Variants in TP53BP1 observed in about 807,000 individuals in gnomAD.
The protein encoded by TP53BP1 is tumor protein p53 binding protein 1, also known as TP53-binding protein 1.
Under a neutral mutation model 200.8 loss-of-function variants are expected in TP53BP1, and 61 were observed. The ratio of observed to expected loss-of-function variants is 0.30; its 90% CI spans 0.25 to 0.38. The LOEUF (loss-of-function observed/expected upper bound fraction) is 0.38, where lower values mean the gene tolerates loss of function less well. TP53BP1 is among the 10% of genes least tolerant of loss of function. The pLI is 1.00. For missense variants in TP53BP1, 2,144 were observed against 2,371.9 expected, an observed-to-expected ratio of 0.90 and a Z score of 2.00; for synonymous variants, 822 against 844.3, an observed-to-expected ratio of 0.97 and a Z score of 0.46.
Position 43,492,332 on chromosome 15 carries a change from T to C in TP53BP1, c.144A>G (p.Leu48=), listed in dbSNP as rs1595630090. 8 of 1,614,184 alleles carry C rather than the reference T, an allele frequency of 5.0e-6. No homozygotes were observed. The highest frequency in any genetic ancestry group is 3.3e-5 in the South Asian group (3 of 91,086). The change falls in exon 2 of 28, where the codon CTA becomes CTG. Residue 48 remains leucine, a synonymous_variant. Transcript: ENST00000382044. ...EDDSGSHFSM[L]SRHLPNLQTH... ...TCTGGAGATTAGGAAGGTGTCGAGATAGCATACTGAAGTGAGAACCAGAAT... is the reference window on the plus strand; with the variant it reads ...TCTGGAGATTAGGAAGGTGTCGAGACAGCATACTGAAGTGAGAACCAGAAT...
In TP53BP1 at chr15:43,469,955, G is replaced by C. The variant is rs151069796; in HGVS notation, c.1292C>G (p.Ser431Cys). The change falls in exon 11 of 28, where the codon TCC (serine) becomes TGC (cysteine). Residue 431 changes from serine to cysteine, a missense_variant. Ser to Cys is a moderately radical substitution (Grantham distance 112). Coordinates refer to ENST00000382044, the MANE Select transcript of TP53BP1 (RefSeq NM_001141980.3). The stretch of plus-strand genomic sequence containing the variant: ...TGTTGAGGCTTGTGGTGATACAGTG[G>C]ACTCAGGCAGGAGAGGGGGGTTTTC... ...ELENPPLLPESTVSPQASTPI... is the reference protein window; with the variant it reads ...ELENPPLLPECTVSPQASTPI... 3 of 1,613,912 alleles carry C rather than the reference G, an allele frequency of 1.9e-6. No individual in the cohort carries two copies. Among genetic ancestry groups the C allele is most frequent in the African/African-American group, 2.7e-5 (2 of 74,916 alleles).
At chr15:43,444,691 G>C (rs1391907471) in intron 14 of TP53BP1, among the ~76,000 whole-genome samples, 1 of 152,162 alleles carries the variant, frequency 6.6e-6, no homozygotes, top group African/African-American at 2.4e-5. Flanking sequence ...CTATACATGT[G>C]AAGTACCTGG....
At chr15:43,429,122 T>G (rs556607683) in intron 17 of TP53BP1, among the ~76,000 whole-genome samples, 9 of 152,360 alleles carry the variant, frequency 5.9e-5, no homozygotes, top group Admixed American at 2.0e-4. Context: ...TTCTTGTTCA[T>G]AATTTTCTAT....
intron 18 of TP53BP1, among the ~76,000 whole-genome samples, chr15:43,425,284 G>C (rs183363992): frequency 3.9e-4 from 60 of 152,280 alleles, no homozygotes; most frequent in African/African-American, 1.4e-3. Flanking sequence ...CTGTCTAAGA[G>C]GCCTGCTGTT....
upstream of TP53BP1, among the ~76,000 whole-genome samples, chr15:43,498,074 A>G (rs968471277): frequency 5.9e-5 from 9 of 152,132 alleles, no homozygotes; most frequent in Non-Finnish European, 1.2e-4. Context: ...GAAATGTTCT[A>G]TTTTTTATTA....
chr15:43,429,261 T>C (rs563811523), intron 17 of TP53BP1, among the ~76,000 whole-genome samples: 6 of 152,320 alleles, frequency 3.9e-5, no homozygotes, highest in Non-Finnish European at 7.4e-5. Flanking sequence ...CTTTCGGCCT[T>C]TATTACCTAG....
intron 4 of TP53BP1, among the ~76,000 whole-genome samples, chr15:43,483,474 T>C (rs551871177): frequency 6.6e-6 from 1 of 152,250 alleles, no homozygotes; most frequent in South Asian, 2.1e-4. Context: ...GATGCCAAAA[T>C]GTTTACAGCA....
At chr15:43,483,529 T>G (rs370951767) in intron 4 of TP53BP1, among the ~76,000 whole-genome samples, 1 of 152,162 alleles carries the variant, frequency 6.6e-6, no homozygotes, top group Non-Finnish European at 1.5e-5. Context: ...CTTTGCTTCC[T>G]TGCAACTTTC....
Position 43,403,600 on chromosome 15 carries a change from T to G in TP53BP1, c.*3783A>C. ...GGTCAGCTATTAATTAGATCAGCTATTAATCAGACTGTTCTCCTAACACTT... is the reference window on the plus strand; with the variant it reads ...GGTCAGCTATTAATTAGATCAGCTAGTAATCAGACTGTTCTCCTAACACTT... On this transcript the variant is annotated 3_prime_UTR_variant, in exon 28 of 28. Transcript: ENST00000382044. The G allele has an allele frequency of 9.9e-7, 1 of 1,010,018 alleles. No individual in the cohort carries two copies. Among genetic ancestry groups the G allele is most frequent in the Non-Finnish European group, 1.5e-6 (1 of 655,460 alleles). The allele number at this position is 1,010,018 out of a possible 1,614,324, so 62.6% of individuals were successfully genotyped here.
chr15:43,496,355 A>G (rs1364962084), upstream of TP53BP1, among the ~76,000 whole-genome samples: 1 of 152,192 alleles, frequency 6.6e-6, no homozygotes, highest in African/African-American at 2.4e-5. Flanking sequence ...TGGTCCTATA[A>G]TTATATAATA....
chr15:43,442,529 A>C (rs908629085), intron 14 of TP53BP1, among the ~76,000 whole-genome samples: 5 of 151,152 alleles, frequency 3.3e-5, no homozygotes, highest in African/African-American at 1.2e-4. Context: ...ACAGAGTCTT[A>C]CTCCGTTGCC....
intron 21 of TP53BP1, 141 bp from the exon 22 acceptor site, chr15:43,416,557 C>G (rs2142979590): frequency 1.4e-6 from 1 of 701,582 alleles, no homozygotes; most frequent in African/African-American, 1.8e-5. Flanking sequence ...AACAAAATTC[C>G]AGTTGTCAAT....
At chr15:43,481,071 C>T (rs756565518) in intron 4 of TP53BP1, 49 bp from the exon 5 acceptor site, 2 of 1,611,116 alleles carry the variant, frequency 1.2e-6, no homozygotes, top group South Asian at 1.1e-5. Flanking sequence ...GTTTGGGACA[C>T]TTTAATCAGA....
At chr15:43,466,167 AAC>A (rs1265336517) in intron 11 of TP53BP1, among the ~76,000 whole-genome samples, 3 of 152,242 alleles carry the variant, frequency 2.0e-5, no homozygotes, top group African/African-American at 7.2e-5. Context: ...AGAGGTATCC[AAC>A]ACAGACAGGT....
chr15:43,422,942 C>T (rs897375323), intron 18 of TP53BP1, among the ~76,000 whole-genome samples: 3 of 150,998 alleles, frequency 2.0e-5, no homozygotes, highest in African/African-American at 7.3e-5. Flanking sequence ...TGCAGTGAGC[C>T]GGGATCATGC....
At chr15:43,446,213 A>T (rs1175456238) in intron 14 of TP53BP1, among the ~76,000 whole-genome samples, 174 bp downstream of exon 14, 1 of 152,244 alleles carries the variant, frequency 6.6e-6, no homozygotes, top group East Asian at 1.9e-4. Context: ...TATAAAACAG[A>T]GTATCTTTAG....
intron 11 of TP53BP1, among the ~76,000 whole-genome samples, chr15:43,462,033 T>C (rs1448359420): frequency 6.6e-6 from 1 of 150,448 alleles, no homozygotes; most frequent in Non-Finnish European, 1.5e-5. Context: ...TAAACATATA[T>C]CAAAAAAAGC....
chr15:43,453,539 A>G (rs1334576622), intron 12 of TP53BP1, among the ~76,000 whole-genome samples: 1 of 130,288 alleles, frequency 7.7e-6, no homozygotes, highest in East Asian at 2.4e-4. Flanking sequence ...CTTATTCTTA[A>G]GATAAAAAAA....
In TP53BP1 at chr15:43,456,032, TG is replaced by T; in HGVS notation, c.2575del (p.Gln859LysfsTer10). The T allele has an allele frequency of 6.2e-7, 1 of 1,614,238 alleles. No homozygotes were observed. Among genetic ancestry groups the T allele is most frequent in the Non-Finnish European group, 8.5e-7 (1 of 1,180,048 alleles). Reference sequence around the variant, plus strand: ...TGAATTACTTGTTTTCTCCTGAGTTTGGGGCTGCTGCAACTCCTGGTCAAGT... The same window carrying T: ...TGAATTACTTGTTTTCTCCTGAGTTTGGGCTGCTGCAACTCCTGGTCAAGT... ...LRLDQELQQP[Q>X]TQEKTSNSLT... On this transcript the variant is annotated frameshift_variant, in exon 12 of 28. Transcript: ENST00000382044. LOFTEE classifies it high-confidence loss of function.
Sources: gnomAD v4.1 joint callset for allele counts (sites outside exome capture counted in the v4.1 genomes callset) on GRCh38, gnomAD v4.1.1 for gene constraint, MANE v1.5 for transcripts, NCBI Gene and HGNC (gene_info 2026-07-23, HGNC 2026-07-21) for gene names.